SH3BGRL2: variants seen among roughly 807,000 people sequenced by gnomAD.
SH3BGRL2 encodes the protein SH3 domain binding glutamate rich protein like 2.
Under a neutral mutation model 14.8 loss-of-function variants are expected in SH3BGRL2, and 21 were observed. The observed-to-expected ratio is 1.42, with a 90% CI of 1.01 to 2.05. SH3BGRL2 has a LOEUF of 2.05. Ranked by LOEUF, SH3BGRL2 falls within the 30% of genes most tolerant of loss-of-function variation. The probability of loss-of-function intolerance (pLI) is 0.00; values close to 1 mark genes in which losing one functional copy is unlikely to be tolerated. For synonymous variants in SH3BGRL2, 50 were observed against 47.8 expected (o/e 1.05, Z -0.19); for missense variants, 147 against 130.8 (o/e 1.12, Z -0.61).
the SH3BGRL2 span, among the ~76,000 whole-genome samples, chr6:79,559,582 A>C: frequency 1.3e-5 from 2 of 152,238 alleles, no homozygotes; most frequent in African/African-American, 4.8e-5. Flanking sequence ...AATACTTCGT[A>C]TTAGACTAGA....
chr6:79,541,150 GGCTGAGGCAGGAGAATT>G, the SH3BGRL2 span, among the ~76,000 whole-genome samples: 1 of 152,126 alleles, frequency 6.6e-6, no homozygotes, highest in Non-Finnish European at 1.5e-5. Context: ...CTTCACGTGA[GGCTGAGGCAGGAGAATT>G]GCTTGAACCT....
chr6:79,606,493 AG>A, the SH3BGRL2 span, among the ~76,000 whole-genome samples: 1 of 152,240 alleles, frequency 6.6e-6, no homozygotes, highest in South Asian at 2.1e-4. Flanking sequence ...GGACTAACAC[AG>A]GTACCTCACA....
intron 1 of SH3BGRL2, among the ~76,000 whole-genome samples, chr6:79,643,131 C>T (rs999144156): frequency 6.6e-6 from 1 of 152,124 alleles, no homozygotes; most frequent in Non-Finnish European, 1.5e-5. Flanking sequence ...TACAATTGTC[C>T]TACAAACTAT....
At chr6:79,601,681 G>T in the SH3BGRL2 span, among the ~76,000 whole-genome samples, 1 of 152,100 alleles carries the variant, frequency 6.6e-6, no homozygotes, top group Non-Finnish European at 1.5e-5. Context: ...TTCAGCTGAA[G>T]AGTTAAAAAG....
At chr6:79,699,456 T>C in intron 3 of SH3BGRL2, 42 bp from the exon 4 acceptor site, 1 of 1,415,396 alleles carries the variant, frequency 7.1e-7, no homozygotes, top group Non-Finnish European at 9.3e-7. Context: ...TGTAATGCAA[T>C]AACTGACTTT....
chr6:79,659,937 G>C (rs1361644682), intron 1 of SH3BGRL2, among the ~76,000 whole-genome samples: 1 of 151,788 alleles, frequency 6.6e-6, no homozygotes, highest in Admixed American at 6.6e-5. Context: ...TTGGCTCTCT[G>C]TTTGTCTGTT....
intron 1 of SH3BGRL2, among the ~76,000 whole-genome samples, chr6:79,670,030 T>C (rs1431946671): frequency 6.6e-6 from 1 of 152,220 alleles, no homozygotes; most frequent in Non-Finnish European, 1.5e-5. Context: ...CAGTCTCTGT[T>C]GTAACTTCTG....
the SH3BGRL2 span, among the ~76,000 whole-genome samples, chr6:79,556,307 G>A: frequency 2.6e-5 from 4 of 151,956 alleles, no homozygotes; most frequent in African/African-American, 9.7e-5. Flanking sequence ...AGTCTAAAAC[G>A]ATAACATAAA....
In SH3BGRL2 at chr6:79,703,056, T is replaced by C. The variant is rs1272856973; in HGVS notation, c.*3547T>C. 6.6e-5 allele frequency: 10 copies of C among 152,362 alleles called. No individual in the cohort carries two copies. The East Asian group carries it at 1.9e-3, about 29-fold the overall frequency. 9.4% of individuals were successfully genotyped at this position (152,362 alleles called of 1,614,324 possible). Reference sequence around the variant, plus strand: ...AACGAGCTGTAGGTTTGCAGAAATGTGTGAAACCAAAATGATCACTGCCTA... The same window carrying C: ...AACGAGCTGTAGGTTTGCAGAAATGCGTGAAACCAAAATGATCACTGCCTA... On this transcript the variant is annotated 3_prime_UTR_variant, in exon 4 of 4. Transcript: ENST00000369838.
At chr6:79,615,206 G>T in the SH3BGRL2 span, among the ~76,000 whole-genome samples, 1 of 152,066 alleles carries the variant, frequency 6.6e-6, no homozygotes, top group Non-Finnish European at 1.5e-5. Context: ...TTTAAGTTTG[G>T]GAGACTCACA....
chr6:79,568,515 A>C, the SH3BGRL2 span, among the ~76,000 whole-genome samples: 2 of 152,060 alleles, frequency 1.3e-5, no homozygotes, highest in Non-Finnish European at 2.9e-5. Context: ...AAATTCAAAA[A>C]CATGCAAAAC....
upstream of SH3BGRL2, among the ~76,000 whole-genome samples, chr6:79,630,532 T>C (rs561511522): frequency 6.6e-6 from 1 of 152,192 alleles, no homozygotes; most frequent in South Asian, 2.1e-4. Flanking sequence ...GAAACTGCGC[T>C]GGAATGTGCA....
chr6:79,684,409 A>T (rs1770053059), intron 2 of SH3BGRL2, among the ~76,000 whole-genome samples: 1 of 151,922 alleles, frequency 6.6e-6, no homozygotes, highest in African/African-American at 2.4e-5. Context: ...CTTTGCCTTC[A>T]GTTGGTTTCC....
At chr6:79,681,850 G>T (rs1227760798) in intron 2 of SH3BGRL2, among the ~76,000 whole-genome samples, 1 of 152,046 alleles carries the variant, frequency 6.6e-6, no homozygotes, top group African/African-American at 2.4e-5. Context: ...TACTGGGGAG[G>T]CTGAGACAGG....
chr6:79,543,951 C>T, the SH3BGRL2 span, among the ~76,000 whole-genome samples: 2 of 152,048 alleles, frequency 1.3e-5, no homozygotes. Flanking sequence ...TCAGAATTGC[C>T]CTGCACAGTT....
chr6:79,650,972 A>C (rs1562147606), intron 1 of SH3BGRL2, among the ~76,000 whole-genome samples: 1 of 150,628 alleles, frequency 6.6e-6, no homozygotes, highest in Non-Finnish European at 1.5e-5. Context: ...ATAACTATTA[A>C]AATGTAATTC....
the SH3BGRL2 span, among the ~76,000 whole-genome samples, chr6:79,584,683 C>T: frequency 1.3e-5 from 2 of 152,238 alleles, no homozygotes; most frequent in South Asian, 2.1e-4. Flanking sequence ...TGAGGGATCA[C>T]ATCAAATTAT....
At chr6:79,611,612 A>G in the SH3BGRL2 span, among the ~76,000 whole-genome samples, 1 of 152,040 alleles carries the variant, frequency 6.6e-6, no homozygotes, top group Non-Finnish European at 1.5e-5. Flanking sequence ...GGGTTTCGCC[A>G]TGTTGGCCAG....
At chr6:79,571,612 C>A in the SH3BGRL2 span, among the ~76,000 whole-genome samples, 1 of 152,122 alleles carries the variant, frequency 6.6e-6, no homozygotes, top group Non-Finnish European at 1.5e-5. Context: ...ATATCCATCA[C>A]CCAACCTAAG....
Sources: allele counts gnomAD v4.1 joint callset (sites outside exome capture counted in the v4.1 genomes callset), GRCh38; gene constraint gnomAD v4.1.1; transcripts MANE v1.5; gene names NCBI Gene and HGNC (gene_info 2026-07-23, HGNC 2026-07-21).